TFB1M: variants seen among roughly 807,000 people sequenced by gnomAD.
TFB1M encodes the protein transcription factor B1, mitochondrial.
TFB1M carries 27 observed loss-of-function variants against 31.1 expected under a neutral mutation model. That is an observed-to-expected ratio of 0.87 (90% CI 0.64 to 1.20). TFB1M has a LOEUF of 1.20. Ranked by LOEUF, TFB1M falls within the 50% of genes most tolerant of loss-of-function variation. The pLI is 0.00. For synonymous variants in TFB1M, 166 were observed against 151.8 expected, an observed-to-expected ratio of 1.09 and a Z score of -0.69; for missense variants, 394 against 418.7, an observed-to-expected ratio of 0.94 and a Z score of 0.51.
intron 4 of TFB1M, among the ~76,000 whole-genome samples, chr6:155,286,637 ATG>A (rs199975323): frequency 0.051 from 6,694 of 131,872 alleles, 250 homozygotes; most frequent in East Asian, 0.29. Flanking sequence ...GTGTGCATAT[ATG>A]TGTGTGTGTG....
chr6:155,239,301 C>T, the TFB1M span, among the ~76,000 whole-genome samples: 583 of 152,218 alleles, frequency 3.8e-3, 1 homozygote, highest in African/African-American at 0.013. Context: ...GACTCAGCTG[C>T]GTTGTTCAGT....
At chr6:155,236,623 A>G in the TFB1M span, among the ~76,000 whole-genome samples, 1 of 152,208 alleles carries the variant, frequency 6.6e-6, no homozygotes, top group Non-Finnish European at 1.5e-5. Context: ...AGATCGTGCC[A>G]CTGCACTCCA....
intron 4 of TFB1M, among the ~76,000 whole-genome samples, chr6:155,293,255 A>AT (rs36028979): frequency 7.2e-5 from 11 of 152,040 alleles, no homozygotes; most frequent in African/African-American, 2.7e-4. Flanking sequence ...TTTAGAGATA[A>AT]TTTTTTTTCA....
chr6:155,256,362 TA>T lies in TFB1M; in HGVS notation c.*1473del. ...TTTGCCTAATTACCAGGATAGTTGC[TA>T]ACTGAAGTCATATCATAAAATAAAA... On this transcript the variant is annotated 3_prime_UTR_variant, in exon 7 of 7. Transcript: ENST00000367166. 1 of 1,420,548 alleles carries T rather than the reference TA, an allele frequency of 7.0e-7. No homozygotes were observed. The highest frequency in any genetic ancestry group is 9.5e-7 in the Non-Finnish European group (1 of 1,053,138). The allele number at this position is 1,420,548 out of a possible 1,614,324, so 88.0% of individuals were successfully genotyped here.
At chr6:155,249,994 G>A in the TFB1M span, 1 of 1,579,984 alleles carries the variant, frequency 6.3e-7, no homozygotes, top group Admixed American at 1.7e-5. Context: ...TGCACCCTGG[G>A]AGCCTAGTGC....
chr6:155,299,845 T>C (rs1777347052), intron 2 of TFB1M, among the ~76,000 whole-genome samples: 1 of 152,156 alleles, frequency 6.6e-6, no homozygotes, highest in Non-Finnish European at 1.5e-5. Context: ...CCAAGAAACA[T>C]GGCTTGTGGA....
chr6:155,299,612 C>G (rs1004662122), intron 2 of TFB1M: 2 of 152,224 alleles, frequency 1.3e-5, no homozygotes, highest in South Asian at 2.1e-4. Flanking sequence ...CTCGGAGAAC[C>G]TTGGCTTCAA....
At chr6:155,298,437 T>C (rs1210046407) in intron 3 of TFB1M, 40 bp downstream of exon 3, 6 of 990,962 alleles carry the variant, frequency 6.1e-6, no homozygotes, top group Non-Finnish European at 9.8e-6. Context: ...ATATAAATAA[T>C]CATAAAAGAA....
At chr6:155,280,010 A>G (rs1182780239) in intron 5 of TFB1M, among the ~76,000 whole-genome samples, 2 of 152,316 alleles carry the variant, frequency 1.3e-5, no homozygotes, top group Admixed American at 1.3e-4. Context: ...GGCAACTTAT[A>G]AAATTGCAGG....
chr6:155,260,675 A>G, intron 5 of TFB1M: 2 of 484,824 alleles, frequency 4.1e-6, no homozygotes, highest in Non-Finnish European at 7.6e-6. Flanking sequence ...ACAGTTTCAC[A>G]ATGGCTTAAA....
At chr6:155,232,953 AC>A in the TFB1M span, 1 of 152,094 alleles carries the variant, frequency 6.6e-6, no homozygotes, top group African/African-American at 2.4e-5. Flanking sequence ...GCACTTTTAA[AC>A]CTTTTTTCTT....
the TFB1M span, among the ~76,000 whole-genome samples, chr6:155,231,085 G>A: frequency 0.15 from 23,084 of 151,548 alleles, 3,116 homozygotes; most frequent in African/African-American, 0.35. Flanking sequence ...CAAGTGATCC[G>A]CCCACCTTGG....
intron 2 of TFB1M, among the ~76,000 whole-genome samples, chr6:155,299,086 C>T (rs1181905555): frequency 6.6e-6 from 1 of 152,056 alleles, no homozygotes. Flanking sequence ...TAGAAAGTCA[C>T]CTGTCGATGC....
chr6:155,305,499 AT>A, intron 2 of TFB1M, among the ~76,000 whole-genome samples: 1 of 41,236 alleles, frequency 2.4e-5, no homozygotes, highest in Non-Finnish European at 3.8e-5. Flanking sequence ...ATAAATATAT[AT>A]TAAATTATAT....
intron 5 of TFB1M, among the ~76,000 whole-genome samples, chr6:155,274,052 A>G (rs1054387215): frequency 6.6e-6 from 1 of 152,196 alleles, no homozygotes; most frequent in Non-Finnish European, 1.5e-5. Context: ...AACTTATTTA[A>G]CCCTATGAAC....
chr6:155,293,072 A>C (rs1777007388), intron 4 of TFB1M, among the ~76,000 whole-genome samples: 1 of 152,102 alleles, frequency 6.6e-6, no homozygotes, highest in South Asian at 2.1e-4. Flanking sequence ...CTCTGGGCTC[A>C]AGCAATCCTC....
the TFB1M span, chr6:155,250,744 CAT>C: frequency 1.8e-6 from 2 of 1,141,282 alleles, no homozygotes; most frequent in Admixed American, 4.5e-5. Context: ...GTGCTTAACT[CAT>C]ATTTTCAAAA....
chr6:155,277,730 T>C (rs1179411029), intron 5 of TFB1M, among the ~76,000 whole-genome samples: 5 of 152,222 alleles, frequency 3.3e-5, no homozygotes, highest in African/African-American at 1.2e-4. Flanking sequence ...GGTTAAATGA[T>C]TGTTTAAAGT....
chr6:155,300,013 G>C (rs1237900969), intron 2 of TFB1M, among the ~76,000 whole-genome samples: 1 of 152,202 alleles, frequency 6.6e-6, no homozygotes, highest in Non-Finnish European at 1.5e-5. Flanking sequence ...AATGCATGGT[G>C]AGTGTTTAAT....
Sources: allele counts gnomAD v4.1 joint callset (sites outside exome capture counted in the v4.1 genomes callset), GRCh38; gene constraint gnomAD v4.1.1; transcripts MANE v1.5; gene names NCBI Gene and HGNC (gene_info 2026-07-23, HGNC 2026-07-21).